The following ARL17A variants were observed in gnomAD, a reference collection of about 807,000 sequenced individuals.
The protein encoded by ARL17A is ARF like GTPase 17A.
chr17:46,537,042 C>A (rs1598420790), intron 4 of ARL17A, among the ~76,000 whole-genome samples: 1 of 39,540 alleles, frequency 2.5e-5, no homozygotes, highest in Non-Finnish European at 4.1e-5. Flanking sequence ...ACTTTGGTTA[C>A]ATTTCTAGAG....
At chr17:46,519,372 C>CA (rs1199012303) in intron 3 of ARL17A, among the ~76,000 whole-genome samples, 2 of 116,720 alleles carry the variant, frequency 1.7e-5, no homozygotes, top group Non-Finnish European at 3.4e-5. Flanking sequence ...CTTGGCTTTC[C>CA]AGAGTGCTGG....
At chr17:46,541,669 G>C (rs1471088432) in intron 3 of ARL17A, among the ~76,000 whole-genome samples, 2 of 150,676 alleles carry the variant, frequency 1.3e-5, no homozygotes, top group Non-Finnish European at 2.9e-5. Context: ...ACCATGGATG[G>C]GGAATATTTG....
At chr17:46,517,458 A>G in intron 3 of ARL17A, 1 of 479,002 alleles carries the variant, frequency 2.1e-6, no homozygotes. Context: ...TCCAAATATG[A>G]CAAAAAGCTA....
rs968563354 is a variant in ARL17A, at chr17:46,532,937, C to CA, written c.336-4079dup. On this transcript the variant is annotated intron_variant, in intron 4 of 4. Coordinates refer to the ARL17A transcript ENST00000329240. Reference sequence around the variant, plus strand: ...GCAACATACTGAGAGCTTATCTCTACAAAAAAAATGTAAAAGTTAGCTGAA... The same window carrying CA: ...GCAACATACTGAGAGCTTATCTCTACAAAAAAAAATGTAAAAGTTAGCTGAA... 7.1e-4 allele frequency among the ~76,000 whole-genome samples: 97 copies of CA among 136,714 alleles called. 5 individuals carry two copies. Among genetic ancestry groups the CA allele is most frequent in the African/African-American group, 2.5e-3 (87 of 34,506 alleles). The allele number at this position is 136,714 out of a possible 152,430, so 89.7% of individuals were successfully genotyped here. A position where few individuals can be genotyped will look rare whatever the true frequency, so the allele number is the denominator to read the frequency against.
rs1347113744 is a variant in ARL17A, at chr17:46,556,861, AATG to A, written c.*492_*494del. The A allele has an allele frequency of 9.7e-6, 1 of 102,748 alleles. No individual in the cohort carries two copies. Among genetic ancestry groups the A allele is most frequent in the Non-Finnish European group, 1.9e-5 (1 of 53,586 alleles). The allele number at this position is 102,748 out of a possible 1,614,324, so 6.4% of individuals were successfully genotyped here. A position where few individuals can be genotyped will look rare whatever the true frequency, so the allele number is the denominator to read the frequency against. Reference sequence around the variant, plus strand: ...TGTATGTTCTTTTAAGTGGGAGCAAAATGATGAGAACTCATAAACAACAGACAC... The same window carrying A: ...TGTATGTTCTTTTAAGTGGGAGCAAAATGAGAACTCATAAACAACAGACAC... On this transcript the variant is annotated 3_prime_UTR_variant, in exon 4 of 4. Coordinates refer to ENST00000336125, the MANE Select transcript of ARL17A (RefSeq NM_001113738.2).
chr17:46,533,272 C>T (rs1203902775), intron 4 of ARL17A, among the ~76,000 whole-genome samples: 2 of 94,258 alleles, frequency 2.1e-5, no homozygotes, highest in Non-Finnish European at 3.9e-5. Context: ...TTTTAGTTAG[C>T]CGAGTGTGGT....
chr17:46,501,421 C>T, the ARL17A span, among the ~76,000 whole-genome samples: 4 of 151,216 alleles, frequency 2.6e-5, no homozygotes, highest in Non-Finnish European at 4.4e-5. Context: ...ATGATCCACC[C>T]GCCTTCGCCT....
chr17:46,545,200 G>C (rs1211877181), intron 3 of ARL17A, among the ~76,000 whole-genome samples: 23 of 136,170 alleles, frequency 1.7e-4, no homozygotes, highest in Non-Finnish European at 3.5e-4. Flanking sequence ...GGAAGGCCGA[G>C]GTGGGAGGAT....
chr17:46,525,712 A>T (rs1442792983), downstream of ARL17A, among the ~76,000 whole-genome samples: 1 of 114,460 alleles, frequency 8.7e-6, no homozygotes, highest in Non-Finnish European at 1.9e-5. Flanking sequence ...GTTGATAAAA[A>T]TTAATGAATT....
chr17:46,526,519 T>A (rs554105633), downstream of ARL17A, among the ~76,000 whole-genome samples: 154 of 105,134 alleles, frequency 1.5e-3, 41 homozygotes, highest in African/African-American at 5.3e-3. Flanking sequence ...ATAATTTTTT[T>A]AATGTTTTTA....
At chr17:46,533,444 C>T (rs4597357) in intron 4 of ARL17A, among the ~76,000 whole-genome samples, 1 of 136,916 alleles carries the variant, frequency 7.3e-6, no homozygotes, top group African/African-American at 3.1e-5. Flanking sequence ...CTTTATATAC[C>T]TTATGTTCAT....
intron 3 of ARL17A, among the ~76,000 whole-genome samples, chr17:46,558,489 T>C (rs1278822093): frequency 8.4e-6 from 1 of 118,370 alleles, no homozygotes; most frequent in Non-Finnish European, 1.7e-5. Flanking sequence ...CAGGTTCAAG[T>C]GATTCTCCTG....
At chr17:46,525,747 T>C (rs1350744928), downstream of ARL17A, among the ~76,000 whole-genome samples, 1 of 94,728 alleles carries the variant, frequency 1.1e-5, no homozygotes, top group African/African-American at 4.3e-5. Context: ...CAGAGTGTCA[T>C]GTCCATTTGT....
chr17:46,542,605 G>T (rs1348310206), intron 3 of ARL17A, among the ~76,000 whole-genome samples: 1 of 150,132 alleles, frequency 6.7e-6, no homozygotes, highest in African/African-American at 2.5e-5. Context: ...TGAGTCAGGA[G>T]GATCACTTGA....
downstream of ARL17A, chr17:46,548,061 A>C: frequency 5.8e-5 from 5 of 86,076 alleles, no homozygotes; most frequent in African/African-American, 1.8e-3. Context: ...CAACGAAATA[A>C]TCCTAAACAG....
At chr17:46,551,354 G>A, downstream of ARL17A, among the ~76,000 whole-genome samples, 1 of 150,638 alleles carries the variant, frequency 6.6e-6, no homozygotes, top group East Asian at 1.9e-4. Context: ...TAATAAAGCT[G>A]GCAACCTTGA....
rs2053186081 is a variant in ARL17A at position 46,528,782 on chromosome 17, CTGAAAAAGCATTTACG to C, written c.397_412del (p.Arg133GlyfsTer?). On this transcript the variant is annotated frameshift_variant, in exon 5 of 5. Coordinates refer to the ARL17A transcript ENST00000329240. LOFTEE classifies it high-confidence loss of function. The stretch of plus-strand genomic sequence containing the variant: ...ATTTCAGATTCTCTAGATTTTGCCC[CTGAAAAAGCATTTACG>C]TGATGCAGTCCGAGGTCTTGTATGG... 1.5e-6 allele frequency: 1 copy of C among 671,132 alleles called. No individual in the cohort carries two copies. Among genetic ancestry groups the C allele is most frequent in the Non-Finnish European group, 2.7e-6 (1 of 376,970 alleles). The allele number at this position is 671,132 out of a possible 1,614,324, so 41.6% of individuals were successfully genotyped here.
chr17:46,525,423 C>G (rs1257561398), downstream of ARL17A, among the ~76,000 whole-genome samples: 2 of 110,294 alleles, frequency 1.8e-5, no homozygotes, highest in African/African-American at 6.5e-5. Flanking sequence ...CCTGTCTCTA[C>G]TAAAAATACA....
At chr17:46,568,515 G>A (rs1454330931) in intron 3 of ARL17A, among the ~76,000 whole-genome samples, 6 of 108,394 alleles carry the variant, frequency 5.5e-5, no homozygotes, top group Admixed American at 2.7e-4. Flanking sequence ...AAAAAAAAGA[G>A]GGGGGGAGGC....
Sources: allele counts gnomAD v4.1 joint callset (sites outside exome capture counted in the v4.1 genomes callset), GRCh38; gene constraint gnomAD v4.1.1; transcripts MANE v1.5; gene names NCBI Gene and HGNC (gene_info 2026-07-23, HGNC 2026-07-21).